DPP6: variants seen among roughly 807,000 people sequenced by gnomAD.
DPP6 encodes the protein A-type potassium channel modulatory protein DPP6.
Under a neutral mutation model 122.6 loss-of-function variants are expected in DPP6, and 69 were observed. The ratio of observed to expected loss-of-function variants is 0.56; its 90% CI spans 0.46 to 0.69. The LOEUF (loss-of-function observed/expected upper bound fraction) is 0.69. DPP6 is among the 30% of genes least tolerant of loss of function. The probability of loss-of-function intolerance (pLI) is 0.00; values close to 1 mark genes in which losing one functional copy is unlikely to be tolerated. For synonymous variants in DPP6, 418 were observed against 433.1 expected, an observed-to-expected ratio of 0.97 and a Z score of 0.43; for missense variants, 928 against 1,116.9, an observed-to-expected ratio of 0.83 and a Z score of 2.41.
chr7:153,928,899 G>A (rs1007222437), intron 1 of DPP6, among the ~76,000 whole-genome samples: 6 of 152,148 alleles, frequency 3.9e-5, no homozygotes, highest in African/African-American at 1.2e-4. Flanking sequence ...GGAGCAACTC[G>A]TGTGGAGACC....
At chr7:154,288,802 C>T (rs1257633668) in intron 1 of DPP6, among the ~76,000 whole-genome samples, 1 of 152,138 alleles carries the variant, frequency 6.6e-6, no homozygotes, top group African/African-American at 2.4e-5. Context: ...ATGCAAATAC[C>T]TGCCTTTGTT....
chr7:154,342,250 T>C (rs907104655), intron 1 of DPP6, among the ~76,000 whole-genome samples: 4 of 152,122 alleles, frequency 2.6e-5, no homozygotes, highest in African/African-American at 9.7e-5. Context: ...TATCTGATCG[T>C]GTGGGCACAG....
At chr7:154,335,744 A>C (rs989707321) in intron 1 of DPP6, among the ~76,000 whole-genome samples, 1 of 152,140 alleles carries the variant, frequency 6.6e-6, no homozygotes, top group Non-Finnish European at 1.5e-5. Flanking sequence ...CTAATGTGGA[A>C]TTCTACAGGT....
intron 2 of DPP6, among the ~76,000 whole-genome samples, chr7:154,461,901 T>C (rs555877911): frequency 6.6e-6 from 1 of 152,304 alleles, no homozygotes; most frequent in Non-Finnish European, 1.5e-5. Context: ...TTGGTTGCCT[T>C]TGCTAAATAG....
At chr7:153,949,066 C>T (rs886114618) in intron 1 of DPP6, among the ~76,000 whole-genome samples, 11 of 152,130 alleles carry the variant, frequency 7.2e-5, no homozygotes, top group African/African-American at 1.9e-4. Flanking sequence ...ATCATTCATT[C>T]GTTTATGACA....
Position 153,948,844 on chromosome 7 carries a change from A to G in DPP6, c.51+61110A>G, listed in dbSNP as rs565326268. 4.0e-5 allele frequency among the ~76,000 whole-genome samples: 6 copies of G among 149,056 alleles called. No individual in the cohort carries two copies. The East Asian group carries it at 1.2e-3, about 29-fold the overall frequency. On this transcript the variant is annotated intron_variant, in intron 1 of 25. Transcript: ENST00000404039. ...ATACGAGATATTAAACAGGCATGAA[A>G]TAAACAGGCACAGGTAAAGATGACT... is the stretch of plus-strand genomic sequence containing the variant.
At chr7:154,137,398 A>AC (rs1232413753) in intron 1 of DPP6, among the ~76,000 whole-genome samples, 3 of 151,870 alleles carry the variant, frequency 2.0e-5, no homozygotes, top group African/African-American at 7.3e-5. Context: ...TAGAGAGATA[A>AC]CACAAAAGCA....
At chr7:153,883,389 T>TC, upstream of DPP6, among the ~76,000 whole-genome samples, 1 of 89,600 alleles carries the variant, frequency 1.1e-5, no homozygotes, top group East Asian at 2.5e-4. Context: ...TTTTTTTTGT[T>TC]CTTTTTTTTT....
At chr7:154,427,804 G>A (rs1001922506) in intron 1 of DPP6, among the ~76,000 whole-genome samples, 1 of 152,180 alleles carries the variant, frequency 6.6e-6, no homozygotes, top group African/African-American at 2.4e-5. Flanking sequence ...CAGACACTAG[G>A]CATGCATTCA....
At chr7:154,562,728 A>G (rs1321247314) in intron 4 of DPP6, among the ~76,000 whole-genome samples, 1 of 152,214 alleles carries the variant, frequency 6.6e-6, no homozygotes, top group Non-Finnish European at 1.5e-5. Flanking sequence ...ACAAATAATT[A>G]CATGTATCAA....
intron 1 of DPP6, among the ~76,000 whole-genome samples, chr7:154,421,048 A>G (rs1255145111): frequency 1.3e-5 from 2 of 152,232 alleles, no homozygotes; most frequent in Admixed American, 6.5e-5. Context: ...CTCTGGAACT[A>G]AGCATACCAG....
At chr7:153,938,056 G>A (rs555300049) in intron 1 of DPP6, among the ~76,000 whole-genome samples, 101 of 152,270 alleles carry the variant, frequency 6.6e-4, no homozygotes, top group Admixed American at 2.7e-3. Context: ...GCTCCTTCCT[G>A]CAGTGTATTA....
Position 154,008,658 on chromosome 7 carries a change from CTTTTT to C in DPP6, c.51+120941_51+120945del, listed in dbSNP as rs57634994. 2.3e-3 allele frequency among the ~76,000 whole-genome samples: 236 copies of C among 101,466 alleles called. 2 individuals carry two copies. The highest frequency in any genetic ancestry group is 8.9e-3 in the African/African-American group (224 of 25,216). The allele number at this position is 101,466 out of a possible 152,430, so 66.6% of individuals were successfully genotyped here. A position where few individuals can be genotyped will look rare whatever the true frequency, so the allele number is the denominator to read the frequency against. On this transcript the variant is annotated intron_variant, in intron 1 of 25. Coordinates refer to the DPP6 transcript ENST00000404039. ...AGTAATTAGGAATATTATTTCTTTT[CTTTTT>C]TTTTTTTTTTTTTTTTGAGACGGAG...
chr7:154,564,614 A>G (rs142569289), intron 4 of DPP6, among the ~76,000 whole-genome samples: 2 of 152,342 alleles, frequency 1.3e-5, no homozygotes, highest in East Asian at 3.9e-4. Context: ...AAAACCACAC[A>G]TATATCAACA....
Position 154,241,659 on chromosome 7 carries a change from A to G in DPP6, c.243+188596A>G, listed in dbSNP as rs541139479. On this transcript the variant is annotated intron_variant, in intron 1 of 25. Transcript: ENST00000377770. This position sits in a 1 kb window ranked among gnomAD's most constrained non-coding sequence, Gnocchi z 9.0. Reference sequence around the variant, plus strand: ...TTAATGTATTCTTCCTCAAAATTATATTACTTTCTGACTCAATATCATACA... The same window carrying G: ...TTAATGTATTCTTCCTCAAAATTATGTTACTTTCTGACTCAATATCATACA... 2.8e-4 allele frequency among the ~76,000 whole-genome samples: 43 copies of G among 152,290 alleles called. No homozygotes were observed. The highest frequency in any genetic ancestry group is 8.2e-4 in the African/African-American group (34 of 41,560).
the DPP6 span, among the ~76,000 whole-genome samples, chr7:153,769,888 G>A: frequency 1.3e-5 from 2 of 152,182 alleles, no homozygotes; most frequent in African/African-American, 4.8e-5. Context: ...GGACTCAGCT[G>A]GAATAACAGG....
At chr7:154,788,722 C>T (rs541064763) in intron 10 of DPP6, among the ~76,000 whole-genome samples, 8 of 152,212 alleles carry the variant, frequency 5.3e-5, no homozygotes, top group Non-Finnish European at 8.8e-5. Flanking sequence ...TCTTCACATT[C>T]GGGTCTTTTT....
intron 4 of DPP6, among the ~76,000 whole-genome samples, chr7:154,543,799 G>C (rs901751340): frequency 6.6e-6 from 1 of 152,000 alleles, no homozygotes; most frequent in Non-Finnish European, 1.5e-5. Context: ...TTCGAGACCA[G>C]CATGGCCAAT....
At chr7:153,985,838 A>G (rs977065839) in intron 1 of DPP6, among the ~76,000 whole-genome samples, 2 of 152,224 alleles carry the variant, frequency 1.3e-5, no homozygotes, top group African/African-American at 4.8e-5. Context: ...TGAAATTGAC[A>G]TTCTGGAACA....
Sources: gnomAD v4.1 joint callset for allele counts (sites outside exome capture counted in the v4.1 genomes callset) on GRCh38, gnomAD v4.1.1 for gene constraint, Gnocchi (gnomAD v3.1) non-coding constraint, MANE v1.5 for transcripts, NCBI Gene and HGNC (gene_info 2026-07-23, HGNC 2026-07-21) for gene names.